Variants in ADAMTS6 observed in about 807,000 individuals in gnomAD.
The protein encoded by ADAMTS6 is ADAM metallopeptidase with thrombospondin type 1 motif 6, also known as A disintegrin and metalloproteinase with thrombospondin motifs 6.
In ADAMTS6, 23 loss-of-function variants were observed where a neutral mutation model predicts 144.3. The observed-to-expected ratio is 0.16, with a 90% confidence interval of 0.11 to 0.23. The LOEUF is 0.23. ADAMTS6 is among the 10% of genes least tolerant of loss of function. The pLI is 1.00. For missense variants in ADAMTS6, 999 were observed against 1,379.6 expected (o/e 0.72, Z 4.37); for synonymous variants, 444 against 457.5 (o/e 0.97, Z 0.38).
chr5:65,435,240 G>T (rs1450549173), intron 7 of ADAMTS6, among the ~76,000 whole-genome samples: 1 of 152,092 alleles, frequency 6.6e-6, no homozygotes, highest in Non-Finnish European at 1.5e-5. Flanking sequence ...TGCTAATGGA[G>T]CAAAAGAATA....
rs145952163 is a variant in ADAMTS6, at chr5:65,460,172, G to A, written c.629C>T (p.Ser210Leu). Reference protein sequence around the residue: ...HLYDHSHCGVSDFTRSGKPWW... With the variant: ...HLYDHSHCGVLDFTRSGKPWW... ...GTAAAAGCTGCACACTCACTCACCCGAAACCCCACAATGAGAGTGATCATA... is the reference window on the plus strand; with the variant it reads ...GTAAAAGCTGCACACTCACTCACCCAAAACCCCACAATGAGAGTGATCATA... The change falls in exon 4 of 25, where the codon TCG becomes TTG. Residue 210 changes from serine (S) to leucine (L), a missense_variant and splice_region_variant. Around this residue, in one of 3 missense-constraint regions of ADAMTS6, gnomAD observed 252 missense variants for 293.7 expected, o/e 0.86. Coordinates refer to ENST00000381055, the MANE Select transcript of ADAMTS6 (RefSeq NM_197941.4). The A allele has an allele frequency of 2.5e-4, 406 of 1,613,700 alleles. No homozygotes were observed. Among genetic ancestry groups the A allele is most frequent in the Non-Finnish European group, 3.3e-4 (393 of 1,179,880 alleles).
intron 24 of ADAMTS6, among the ~76,000 whole-genome samples, chr5:65,158,418 C>T (rs1357520692): frequency 6.6e-6 from 1 of 152,128 alleles, no homozygotes; most frequent in Non-Finnish European, 1.5e-5. Flanking sequence ...GATTGGTTAC[C>T]AGCCCATGGC....
intron 10 of ADAMTS6, among the ~76,000 whole-genome samples, chr5:65,295,703 T>C (rs1182726577): frequency 1.3e-5 from 2 of 152,086 alleles, no homozygotes; most frequent in African/African-American, 2.4e-5. Context: ...CAGATAATTA[T>C]TGAATTCCTA....
chr5:65,415,488 G>A (rs879519863), intron 7 of ADAMTS6: 27 of 223,536 alleles, frequency 1.2e-4, no homozygotes, highest in South Asian at 4.8e-4. Context: ...CTGAAGCCAC[G>A]GAGCTCACAG....
At chr5:65,440,576 G>A (rs1341482118) in intron 7 of ADAMTS6, among the ~76,000 whole-genome samples, 1 of 152,174 alleles carries the variant, frequency 6.6e-6, no homozygotes, top group African/African-American at 2.4e-5. Context: ...TAATTGTGGA[G>A]ATTTGCAAAG....
At chr5:65,322,856 T>C (rs1250506868) in intron 9 of ADAMTS6, among the ~76,000 whole-genome samples, 1 of 152,132 alleles carries the variant, frequency 6.6e-6, no homozygotes, top group Non-Finnish European at 1.5e-5. Context: ...CTCTTCCTAT[T>C]CGAATGCCGT....
In ADAMTS6 at chr5:65,448,650, T is replaced by A. The variant is rs565456515; in HGVS notation, c.1073+2825A>T. Among the ~76,000 whole-genome samples the A allele has an allele frequency of 5.3e-5, 8 of 152,138 alleles. No homozygotes were observed. In the South Asian group the frequency reaches 1.7e-3, roughly 32 times the overall value. ...TTTGTATTTTTAGTAGAGACAGGGTTTCACCGTGTTAGCCAGATGGTCTTG... is the reference window on the plus strand; with the variant it reads ...TTTGTATTTTTAGTAGAGACAGGGTATCACCGTGTTAGCCAGATGGTCTTG... On this transcript the variant is annotated intron_variant, in intron 7 of 24. Transcript: ENST00000381055.
chr5:65,422,524 A>C (rs1006267760), intron 7 of ADAMTS6, among the ~76,000 whole-genome samples: 1 of 152,242 alleles, frequency 6.6e-6, no homozygotes, highest in African/African-American at 2.4e-5. Context: ...CAGGAGGCTA[A>C]GGCAGGAGAA....
chr5:65,252,370 T>C (rs1760249780), intron 14 of ADAMTS6, among the ~76,000 whole-genome samples: 1 of 151,288 alleles, frequency 6.6e-6, no homozygotes. Flanking sequence ...GCCTCCCGAG[T>C]AGCTGGGATC....
In ADAMTS6 at chr5:65,197,003, AT is replaced by A; in HGVS notation, c.2705+18del. ...TTTGCACCTGAAGAAAATAATTCTC[AT>A]TTCTTTCCCTTACTTACTCAGGTGG... On this transcript the variant is annotated intron_variant, in intron 21 of 24. Transcript: ENST00000381055. The A allele has an allele frequency of 6.2e-7, 1 of 1,601,170 alleles. No homozygotes were observed. Among genetic ancestry groups the A allele is most frequent in the Non-Finnish European group, 8.5e-7 (1 of 1,175,706 alleles).
intron 20 of ADAMTS6, among the ~76,000 whole-genome samples, chr5:65,199,207 T>G (rs930030586): frequency 4.6e-5 from 7 of 152,142 alleles, no homozygotes; most frequent in Non-Finnish European, 7.4e-5. Flanking sequence ...TGGTTATTTC[T>G]CAGGAAGGAA....
At chr5:65,459,740 AT>A (rs1554095342) in intron 4 of ADAMTS6, among the ~76,000 whole-genome samples, 1 of 152,118 alleles carries the variant, frequency 6.6e-6, no homozygotes, top group Non-Finnish European at 1.5e-5. Context: ...ACATATTTCT[AT>A]AGTATCCTCG....
chr5:65,382,213 A>G (rs1013341687), intron 7 of ADAMTS6, among the ~76,000 whole-genome samples: 3 of 152,236 alleles, frequency 2.0e-5, no homozygotes, highest in Non-Finnish European at 4.4e-5. Flanking sequence ...ACCTCAACAG[A>G]AAGTAAGGCA....
intron 13 of ADAMTS6, among the ~76,000 whole-genome samples, chr5:65,262,155 A>C (rs1761254476): frequency 6.6e-6 from 1 of 152,160 alleles, no homozygotes; most frequent in Non-Finnish European, 1.5e-5. Flanking sequence ...AGGGAGAAGC[A>C]ACAGAGCTAG....
intron 24 of ADAMTS6, among the ~76,000 whole-genome samples, chr5:65,169,822 T>TG (rs1753485034): frequency 1.4e-5 from 2 of 141,398 alleles, no homozygotes; most frequent in Non-Finnish European, 3.0e-5. Flanking sequence ...CACTCATAGG[T>TG]GGGAATTGAA....
intron 4 of ADAMTS6, among the ~76,000 whole-genome samples, chr5:65,454,989 T>C (rs1045936970): frequency 1.3e-5 from 2 of 152,218 alleles, no homozygotes; most frequent in African/African-American, 4.8e-5. Flanking sequence ...ACAAAACAGC[T>C]GAAAGCTTTT....
chr5:65,437,144 G>A (rs1280988388), intron 7 of ADAMTS6, among the ~76,000 whole-genome samples: 1 of 151,438 alleles, frequency 6.6e-6, no homozygotes, highest in Non-Finnish European at 1.5e-5. Flanking sequence ...GTCCAGGCTG[G>A]AGTGCAGTGG....
intron 7 of ADAMTS6, among the ~76,000 whole-genome samples, chr5:65,390,336 GA>G (rs907652840): frequency 1.3e-5 from 2 of 152,064 alleles, no homozygotes; most frequent in African/African-American, 4.8e-5. Flanking sequence ...AAAGATGAGA[GA>G]AAAAAATAAG....
chr5:65,265,231 A>T (rs1442430795), intron 12 of ADAMTS6, among the ~76,000 whole-genome samples: 1 of 152,090 alleles, frequency 6.6e-6, no homozygotes, highest in African/African-American at 2.4e-5. Context: ...ATCATGAAGA[A>T]AAAAAGATCA....
Sources: gnomAD v4.1 joint callset for allele counts (sites outside exome capture counted in the v4.1 genomes callset) on GRCh38, gnomAD v4.1.1 for gene constraint, gnomAD v4.1.1 regional missense constraint, MANE v1.5 for transcripts, NCBI Gene and HGNC (gene_info 2026-07-23, HGNC 2026-07-21) for gene names.